NEBL: variants seen among roughly 807,000 people sequenced by gnomAD.
NEBL encodes nebulette.
Under a neutral mutation model 140.2 loss-of-function variants are expected in NEBL, and 122 were observed. That is an observed-to-expected ratio of 0.87 (90% CI 0.75 to 1.01). NEBL has a LOEUF of 1.01. NEBL is among the 50% of genes least tolerant of loss of function. The pLI is 0.00. For missense variants in NEBL, 1,365 were observed against 1,231.3 expected (o/e 1.11, Z -1.62); for synonymous variants, 436 against 398.9 (o/e 1.09, Z -1.11).
chr10:21,112,818 C>A, intron 2 of NEBL: 2 of 209,666 alleles, frequency 9.5e-6, no homozygotes, highest in South Asian at 9.3e-5. Flanking sequence ...TTTGAAATTA[C>A]ACCACCCAGT....
rs1842225800 is a variant in NEBL at position 21,230,114 on chromosome 10, G to A, written n.348+17807C>T. ...AACATTCCATTTCATTTTTAAATTGGAATTTTGACAGCCCATAAAAATAAT... is the reference window on the plus strand; with the variant it reads ...AACATTCCATTTCATTTTTAAATTGAAATTTTGACAGCCCATAAAAATAAT... On this transcript the variant is annotated intron_variant and non_coding_transcript_variant, in intron 3 of 8. Coordinates refer to the NEBL transcript ENST00000675702. Among the ~76,000 whole-genome samples the A allele has an allele frequency of 2.0e-5, 3 of 152,090 alleles. No individual in the cohort carries two copies. The South Asian group carries it at 6.2e-4, about 32-fold the overall frequency.
intron 26 of NEBL, among the ~76,000 whole-genome samples, chr10:20,790,266 C>G (rs1320055730): frequency 1.3e-5 from 2 of 151,826 alleles, no homozygotes; most frequent in Non-Finnish European, 2.9e-5. Context: ...TAGTTATCTA[C>G]CTTATACTTG....
At chr10:21,247,520 T>C (rs1341122999) in intron 3 of NEBL, among the ~76,000 whole-genome samples, 1 of 152,160 alleles carries the variant, frequency 6.6e-6, no homozygotes, top group African/African-American at 2.4e-5. Flanking sequence ...CTCCCTAACA[T>C]AGCCAGAGAC....
intron 3 of NEBL, among the ~76,000 whole-genome samples, chr10:21,185,361 G>T (rs1841447815): frequency 6.6e-6 from 1 of 152,048 alleles, no homozygotes; most frequent in Non-Finnish European, 1.5e-5. Flanking sequence ...TTCCATTTCT[G>T]GAACTCCTGG....
At chr10:20,815,972 T>C (rs1156497451) in intron 21 of NEBL, 7 of 443,934 alleles carry the variant, frequency 1.6e-5, no homozygotes, top group Non-Finnish European at 2.9e-5. Context: ...TTTGCCATGT[T>C]GTCCAAGCTG....
intron 3 of NEBL, among the ~76,000 whole-genome samples, chr10:20,978,826 T>C (rs1387787060): frequency 6.6e-6 from 1 of 151,972 alleles, no homozygotes; most frequent in Admixed American, 6.6e-5. Flanking sequence ...AAATAAAAGT[T>C]GGAGCCACTC....
chr10:21,248,148 G>A (rs1388450052), intron 2 of NEBL: 2 of 193,604 alleles, frequency 1.0e-5, no homozygotes, highest in Non-Finnish European at 2.3e-5. Context: ...ATGGCTCGCT[G>A]CCCCCTCGAC....
chr10:21,192,080 C>T (rs1411954683), intron 3 of NEBL, among the ~76,000 whole-genome samples: 3 of 152,104 alleles, frequency 2.0e-5, no homozygotes, highest in African/African-American at 7.2e-5. Context: ...ATCCATCATT[C>T]CCAGGTTCTC....
At chr10:20,822,678 AT>A in intron 19 of NEBL, among the ~76,000 whole-genome samples, 1 of 92,006 alleles carries the variant, frequency 1.1e-5, no homozygotes, top group Non-Finnish European at 2.8e-5. Context: ...GAGACTATAG[AT>A]ATATAGATAT....
In NEBL at chr10:20,817,626, T is replaced by G. The variant is rs1838857325; in HGVS notation, c.2122A>C (p.Lys708Gln). The G allele has an allele frequency of 2.2e-5, 36 of 1,613,876 alleles. No individual in the cohort carries two copies. The highest frequency in any genetic ancestry group is 2.7e-5 in the Non-Finnish European group (32 of 1,179,738). Residue 708 changes from lysine (K) to glutamine (Q), a missense_variant, in exon 21 of 28, where the codon AAA (lysine) becomes CAA (glutamine). Physicochemically the swap from Lys to Gln is moderately conservative, Grantham distance 53. Coordinates refer to ENST00000377122, the MANE Select transcript of NEBL (RefSeq NM_006393.3). The stretch of plus-strand genomic sequence containing the variant: ...TTGCTGATGTTTTTCTGGTTTTCTT[T>G]TGCCCTCTTCAGCTCTGGTGGATCA... ...ISDPPELKRAKENQKNISNVY... is the reference protein window; with the variant it reads ...ISDPPELKRAQENQKNISNVY...
chr10:21,053,132 A>G (rs1412152435), intron 2 of NEBL, among the ~76,000 whole-genome samples: 2 of 152,240 alleles, frequency 1.3e-5, no homozygotes, highest in Non-Finnish European at 2.9e-5. Context: ...CAAATATTAT[A>G]TCACGATAAA....
Position 20,840,749 on chromosome 10 carries a change from A to G in NEBL, c.1328T>C (p.Met443Thr). The change falls in exon 13 of 28, where the codon ATG (methionine) becomes ACG (threonine). Residue 443 changes from methionine to threonine, a missense_variant. Transcript: ENST00000377122. Reference sequence around the variant, plus strand: ...AATAAACATACTCACCTCACTTGCCATTTCAGAGGCTCGCTTTGCTCTTTG... The same window carrying G: ...AATAAACATACTCACCTCACTTGCCGTTTCAGAGGCTCGCTTTGCTCTTTG... ...DIQRAKRASE[M>T]ASEKEYKKDL... 1 of 1,607,614 alleles carries G rather than the reference A, an allele frequency of 6.2e-7. No homozygotes were observed. Among genetic ancestry groups the G allele is most frequent in the East Asian group, 2.2e-5 (1 of 44,770 alleles).
At position 21,173,489 on chromosome 10, in the gene NEBL, G is replaced by A. The variant is rs943142747; in HGVS notation, c.69+276C>T. 6.6e-6 allele frequency among the ~76,000 whole-genome samples: 1 copy of A among 152,060 alleles called. No homozygotes were observed. Among genetic ancestry groups the A allele is most frequent in the Non-Finnish European group, 1.5e-5 (1 of 68,006 alleles). On this transcript the variant is annotated intron_variant, in intron 1 of 6. Coordinates refer to the NEBL transcript ENST00000417816. This position sits in a 1 kb window ranked among gnomAD's most constrained non-coding sequence, Gnocchi z 5.7. ...CAGCCTGGTCCCTCCGGGGTCCGGG[G>A]CTGCGCACCGCCGTGCGCCCTCCGC...
intron 8 of NEBL, 57 bp from the exon 9 acceptor site, chr10:20,858,401 G>T: frequency 7.3e-7 from 1 of 1,360,826 alleles, no homozygotes; most frequent in Non-Finnish European, 1.0e-6. Context: ...TTATGCTTTT[G>T]CATTATTGCA....
chr10:20,906,919 C>G (rs535917874), intron 4 of NEBL, among the ~76,000 whole-genome samples: 1 of 152,054 alleles, frequency 6.6e-6, no homozygotes, highest in Non-Finnish European at 1.5e-5. Flanking sequence ...CTTCATACTA[C>G]GCACTACAAT....
intron 2 of NEBL, among the ~76,000 whole-genome samples, chr10:21,148,226 T>C (rs550355335): frequency 6.6e-6 from 1 of 152,352 alleles, no homozygotes; most frequent in South Asian, 2.1e-4. Flanking sequence ...TCAAATGATT[T>C]ATCCAGTATA....
At chr10:21,183,249 A>C (rs1841413292) in intron 3 of NEBL, among the ~76,000 whole-genome samples, 1 of 152,218 alleles carries the variant, frequency 6.6e-6, no homozygotes, top group Admixed American at 6.5e-5. Flanking sequence ...TCACCATGAG[A>C]GAGAGACAAG....
chr10:21,266,056 T>C lies in NEBL; in HGVS notation n.183-14228A>G, dbSNP rs952685073. 2.0e-5 allele frequency among the ~76,000 whole-genome samples: 3 copies of C among 152,302 alleles called. No individual in the cohort carries two copies. In the South Asian group the frequency reaches 6.2e-4, roughly 32 times the overall value. ...ACCTCTGGCTGCCCCTGCAGACCAG[T>C]GGAAAAGCCCCTCGATCCTGCTGCC... On this transcript the variant is annotated intron_variant and non_coding_transcript_variant, in intron 1 of 8. Coordinates refer to the NEBL transcript ENST00000675702.
intron 4 of NEBL, among the ~76,000 whole-genome samples, chr10:20,914,859 GT>G (rs1328615637): frequency 6.6e-6 from 1 of 151,256 alleles, no homozygotes; most frequent in Non-Finnish European, 1.5e-5. Flanking sequence ...TTCTGGGGTT[GT>G]TTTGTTTTGT....
Sources: allele counts gnomAD v4.1 joint callset (sites outside exome capture counted in the v4.1 genomes callset), GRCh38; gene constraint gnomAD v4.1.1; non-coding constraint Gnocchi (gnomAD v3.1); transcripts MANE v1.5; gene names NCBI Gene and HGNC (gene_info 2026-07-23, HGNC 2026-07-21).